The following EPB41L3 variants were observed in gnomAD, a reference collection of about 807,000 sequenced individuals.
The protein encoded by EPB41L3 is erythrocyte membrane protein band 4.1 like 3, also known as band 4.1-like protein 3.
Under a neutral mutation model 127.1 loss-of-function variants are expected in EPB41L3, and 57 were observed. The observed-to-expected ratio is 0.45, with a 90% CI of 0.36 to 0.56. The LOEUF (loss-of-function observed/expected upper bound fraction) is 0.56, where lower values mean the gene tolerates loss of function less well. Ranked by LOEUF, EPB41L3 falls within the 20% of genes least tolerant of loss-of-function variation. The probability of loss-of-function intolerance (pLI) is 0.00; values close to 1 mark genes in which losing one functional copy is unlikely to be tolerated. For synonymous variants in EPB41L3, 572 were observed against 549.5 expected (o/e 1.04, Z -0.57); for missense variants, 1,273 against 1,372.2 (o/e 0.93, Z 1.14).
chr18:5,602,264 TG>T (rs1422176718), intron 3 of EPB41L3, among the ~76,000 whole-genome samples: 1 of 152,126 alleles, frequency 6.6e-6, no homozygotes, highest in African/African-American at 2.4e-5. Context: ...CCCTAAATGC[TG>T]CACGTTTTCC....
chr18:5,536,808 G>A (rs1035276649), intron 1 of EPB41L3, among the ~76,000 whole-genome samples: 1 of 152,130 alleles, frequency 6.6e-6, no homozygotes, highest in Non-Finnish European at 1.5e-5. Context: ...TCCAGCCTGG[G>A]CAACAGAGTG....
chr18:5,579,984 A>G (rs1167932309), intron 3 of EPB41L3, among the ~76,000 whole-genome samples: 1 of 152,206 alleles, frequency 6.6e-6, no homozygotes, highest in Non-Finnish European at 1.5e-5. Flanking sequence ...CCTATAAGGC[A>G]TGAATTACTA....
intron 14 of EPB41L3, among the ~76,000 whole-genome samples, chr18:5,409,592 G>A (rs980606985): frequency 2.0e-5 from 3 of 151,640 alleles, no homozygotes; most frequent in African/African-American, 2.4e-5. Context: ...CTAATAAAAC[G>A]CCATCGCAAA....
rs1268560682 is a variant in EPB41L3 at position 5,430,221 on chromosome 18, C to T, written c.913-1756G>A. On this transcript the variant is annotated intron_variant, in intron 8 of 22. Transcript: ENST00000341928. Reference sequence around the variant, plus strand: ...CCCTCCAAAACACACCTCTCTGTGTCCCCAAATCAAACTGTTATCTCTAGT... The same window carrying T: ...CCCTCCAAAACACACCTCTCTGTGTTCCCAAATCAAACTGTTATCTCTAGT... Among the ~76,000 whole-genome samples the T allele has an allele frequency of 2.0e-5, 3 of 152,140 alleles. No homozygotes were observed. In the East Asian group the frequency reaches 5.8e-4, roughly 29 times the overall value.
intron 16 of EPB41L3, chr18:5,400,548 C>G (rs557374134): frequency 5.5e-5 from 25 of 457,298 alleles, no homozygotes; most frequent in Non-Finnish European, 1.0e-4. Flanking sequence ...GAGAAGTAAC[C>G]ACAGAGTCAG....
At chr18:5,625,821 A>G (rs1257877345) in intron 1 of EPB41L3, among the ~76,000 whole-genome samples, 4 of 152,110 alleles carry the variant, frequency 2.6e-5, no homozygotes, top group Admixed American at 1.3e-4. Flanking sequence ...GATCTTATAC[A>G]ATGAGCTGAC....
At chr18:5,607,695 C>T (rs2094676243) in intron 3 of EPB41L3, among the ~76,000 whole-genome samples, 1 of 152,110 alleles carries the variant, frequency 6.6e-6, no homozygotes, top group Non-Finnish European at 1.5e-5. Context: ...ATGTTTATAC[C>T]ATCAGGTGCA....
At chr18:5,589,440 A>C (rs1739089967) in intron 3 of EPB41L3, among the ~76,000 whole-genome samples, 1 of 152,170 alleles carries the variant, frequency 6.6e-6, no homozygotes, top group South Asian at 2.1e-4. Flanking sequence ...AAAATATAGC[A>C]ATAAAGCAAG....
chr18:5,541,862 T>C (rs2093739584), intron 1 of EPB41L3, among the ~76,000 whole-genome samples: 1 of 152,256 alleles, frequency 6.6e-6, no homozygotes, highest in East Asian at 1.9e-4. Flanking sequence ...CTTCTTGTTA[T>C]GGATGAATTA....
At chr18:5,617,464 G>A (rs978720848) in intron 1 of EPB41L3, among the ~76,000 whole-genome samples, 11 of 152,006 alleles carry the variant, frequency 7.2e-5, no homozygotes, top group Non-Finnish European at 1.5e-4. Context: ...GACCACAGGC[G>A]CCAGCCACCA....
At chr18:5,461,588 T>C (rs1280093507) in intron 3 of EPB41L3, among the ~76,000 whole-genome samples, 1 of 152,232 alleles carries the variant, frequency 6.6e-6, no homozygotes, top group Non-Finnish European at 1.5e-5. Context: ...ATATCTAATC[T>C]GGTCATTTTG....
Position 5,394,674 on chromosome 18 carries a change from T to C in EPB41L3, c.*6+3A>G. The C allele has an allele frequency of 6.2e-7, 1 of 1,612,488 alleles. No homozygotes were observed. The highest frequency in any genetic ancestry group is 8.5e-7 in the Non-Finnish European group (1 of 1,178,616). On this transcript the variant is annotated splice_donor_region_variant and intron_variant, in intron 22 of 22. Transcript: ENST00000341928. ...AGCCTAGAGAATCGGCATCACCTCT[T>C]ACCTCTGGTCAATCCTCTCCATCTT...
chr18:5,564,613 T>G (rs1378516654), intron 3 of EPB41L3, among the ~76,000 whole-genome samples: 1 of 150,404 alleles, frequency 6.6e-6, no homozygotes, highest in African/African-American at 2.5e-5. Flanking sequence ...GGGCTTCTCC[T>G]TCTCAGAAAT....
intron 15 of EPB41L3, 146 bp downstream of exon 15, chr18:5,407,555 A>T: frequency 1.3e-6 from 1 of 746,754 alleles, no homozygotes; most frequent in Non-Finnish European, 2.2e-6. Context: ...TGTCAAGGGA[A>T]CAAATGCCAA....
chr18:5,544,435 T>G (rs937831191), upstream of EPB41L3: 35 of 508,870 alleles, frequency 6.9e-5, no homozygotes, highest in Non-Finnish European at 8.4e-5. Context: ...GGAAAGAAAA[T>G]AAAATCAAGT....
At chr18:5,497,408 G>A (rs1598336043) in intron 1 of EPB41L3, among the ~76,000 whole-genome samples, 1 of 152,160 alleles carries the variant, frequency 6.6e-6, no homozygotes, top group East Asian at 1.9e-4. Context: ...TAGCAGGTGA[G>A]GGAACGAAGG....
intron 1 of EPB41L3, among the ~76,000 whole-genome samples, chr18:5,531,045 C>T (rs1182243178): frequency 6.6e-6 from 1 of 152,190 alleles, no homozygotes; most frequent in Non-Finnish European, 1.5e-5. Flanking sequence ...TCCAGCTCTA[C>T]TCCCTGACAA....
At chr18:5,447,670 G>A (rs1268788699) in intron 3 of EPB41L3, among the ~76,000 whole-genome samples, 1 of 152,076 alleles carries the variant, frequency 6.6e-6, no homozygotes, top group Non-Finnish European at 1.5e-5. Context: ...TGAATATGCT[G>A]CAGGCGCCCT....
chr18:5,587,233 C>T (rs2094449147), intron 3 of EPB41L3, among the ~76,000 whole-genome samples: 1 of 152,058 alleles, frequency 6.6e-6, no homozygotes, highest in Admixed American at 6.6e-5. Context: ...ACAGCAGTCC[C>T]CTCTCATCTT....
Sources: allele counts gnomAD v4.1 joint callset (sites outside exome capture counted in the v4.1 genomes callset), GRCh38; gene constraint gnomAD v4.1.1; transcripts MANE v1.5; gene names NCBI Gene and HGNC (gene_info 2026-07-23, HGNC 2026-07-21).